The following CCDC102B variants were observed in gnomAD, a reference collection of about 807,000 sequenced individuals.
CCDC102B encodes the protein coiled-coil domain containing 102B, also known as coiled-coil domain-containing protein 102B.
CCDC102B carries 75 observed loss-of-function variants against 57.4 expected under a neutral mutation model. That is an observed-to-expected ratio of 1.31 (90% CI 1.08 to 1.58). The LOEUF is 1.58. Ranked by LOEUF, CCDC102B falls within the 40% of genes most tolerant of loss-of-function variation. The pLI is 0.00. For missense variants in CCDC102B, 636 were observed against 582.6 expected, an observed-to-expected ratio of 1.09 and a Z score of -0.94; for synonymous variants, 206 against 201.9, an observed-to-expected ratio of 1.02 and a Z score of -0.17.
intron 2 of CCDC102B, among the ~76,000 whole-genome samples, chr18:68,732,262 A>C (rs1599381459): frequency 6.6e-6 from 1 of 152,042 alleles, no homozygotes; most frequent in African/African-American, 2.4e-5. Context: ...TGGATACCAT[A>C]AACTGTTTGG....
upstream of CCDC102B, chr18:68,715,232 C>G (rs150531716): frequency 5.2e-6 from 7 of 1,351,974 alleles, no homozygotes; most frequent in East Asian, 1.6e-4. Context: ...CCTTTGCGCT[C>G]TCGGTGCCCC....
chr18:68,780,846 AGT>A (rs2034983992), intron 2 of CCDC102B, among the ~76,000 whole-genome samples: 1 of 152,108 alleles, frequency 6.6e-6, no homozygotes, highest in South Asian at 2.1e-4. Context: ...GTCATTATAC[AGT>A]CTGAGGAGAA....
intron 7 of CCDC102B, among the ~76,000 whole-genome samples, chr18:69,014,978 A>AGAGTGTGT (rs139377520): frequency 4.3e-5 from 6 of 139,332 alleles, no homozygotes; most frequent in African/African-American, 1.3e-4. Flanking sequence ...AGAGAGAGAG[A>AGAGTGTGT]GTGTGTGTGT....
chr18:68,870,490 G>C (rs752298334), intron 4 of CCDC102B, among the ~76,000 whole-genome samples: 1 of 152,120 alleles, frequency 6.6e-6, no homozygotes, highest in African/African-American at 2.4e-5. Flanking sequence ...CAAGATACAC[G>C]AGAGAAACAA....
chr18:68,945,137 C>A (rs1220345151), intron 6 of CCDC102B, among the ~76,000 whole-genome samples: 1 of 151,580 alleles, frequency 6.6e-6, no homozygotes, highest in Non-Finnish European at 1.5e-5. Flanking sequence ...CACACACACA[C>A]ACACACACAC....
chr18:68,753,759 G>C (rs182988608), intron 2 of CCDC102B: 1 of 151,740 alleles, frequency 6.6e-6, no homozygotes, highest in Non-Finnish European at 1.5e-5. Flanking sequence ...ATTGGGTCTT[G>C]CCTTGCTGCC....
intron 7 of CCDC102B, among the ~76,000 whole-genome samples, chr18:69,035,168 A>T (rs1346668730): frequency 1.3e-5 from 2 of 152,018 alleles, no homozygotes; most frequent in African/African-American, 4.8e-5. Context: ...TAGAAACACT[A>T]TTGTTTATAG....
chr18:68,942,251 T>A (rs1055929317), intron 6 of CCDC102B, among the ~76,000 whole-genome samples: 1 of 152,092 alleles, frequency 6.6e-6, no homozygotes, highest in African/African-American at 2.4e-5. Context: ...ATTAGAAAGT[T>A]GCTGATAGGA....
intron 1 of CCDC102B, among the ~76,000 whole-genome samples, chr18:68,803,773 T>TCA (rs1483969581): frequency 0.031 from 4,703 of 152,190 alleles, 229 homozygotes; most frequent in African/African-American, 0.11. Context: ...TAATATTATT[T>TCA]TACTTTTAAA....
chr18:68,824,857 T>C (rs2036842674), intron 1 of CCDC102B, among the ~76,000 whole-genome samples: 1 of 152,228 alleles, frequency 6.6e-6, no homozygotes, highest in African/African-American at 2.4e-5. Context: ...AAAAATTTCT[T>C]TGTCTATCTT....
At chr18:68,777,514 A>G (rs2144626882) in intron 2 of CCDC102B, among the ~76,000 whole-genome samples, 1 of 152,288 alleles carries the variant, frequency 6.6e-6, no homozygotes, top group South Asian at 2.1e-4. Context: ...GGGCCTAATA[A>G]TTCTTAGTTT....
chr18:68,729,234 TGC>T (rs2032750501), intron 2 of CCDC102B, among the ~76,000 whole-genome samples: 2 of 152,204 alleles, frequency 1.3e-5, no homozygotes, highest in East Asian at 3.8e-4. Flanking sequence ...GATAAAGCAC[TGC>T]AGTGGATAGA....
chr18:69,017,870 T>C (rs754321821), intron 7 of CCDC102B, among the ~76,000 whole-genome samples: 6 of 152,234 alleles, frequency 3.9e-5, no homozygotes, highest in African/African-American at 1.4e-4. Flanking sequence ...AGATTCTACA[T>C]ATGAACAGGA....
At chr18:69,019,905 G>T (rs1031135947) in intron 7 of CCDC102B, among the ~76,000 whole-genome samples, 1 of 151,996 alleles carries the variant, frequency 6.6e-6, no homozygotes, top group African/African-American at 2.4e-5. Context: ...ATTTTATTTA[G>T]ACTTATTATC....
chr18:68,927,983 G>A (rs529374966), intron 6 of CCDC102B, among the ~76,000 whole-genome samples: 3 of 151,968 alleles, frequency 2.0e-5, no homozygotes, highest in East Asian at 3.9e-4. Flanking sequence ...TACAGACACT[G>A]GGCAGTTAGA....
intron 6 of CCDC102B, among the ~76,000 whole-genome samples, chr18:68,908,780 A>C (rs773684971): frequency 2.6e-5 from 4 of 152,170 alleles, no homozygotes; most frequent in Non-Finnish European, 4.4e-5. Context: ...TAAGTGATAA[A>C]ATTTAGCATT....
intron 2 of CCDC102B, among the ~76,000 whole-genome samples, chr18:68,769,455 G>A (rs534053643): frequency 1.1e-4 from 16 of 151,874 alleles, no homozygotes; most frequent in African/African-American, 3.6e-4. Context: ...GAGTTTAAAG[G>A]GTACACAATT....
intron 7 of CCDC102B, among the ~76,000 whole-genome samples, chr18:69,017,372 G>A: frequency 6.6e-6 from 1 of 152,034 alleles, no homozygotes; most frequent in East Asian, 1.9e-4. Flanking sequence ...TGAGCCACCA[G>A]CCTCGAGCTT....
chr18:68,760,277 T>C (rs1414167641), intron 2 of CCDC102B, among the ~76,000 whole-genome samples: 1 of 152,036 alleles, frequency 6.6e-6, no homozygotes. Flanking sequence ...AAGGTTAGTA[T>C]ACAAAATTCA....
Sources: allele counts gnomAD v4.1 joint callset (sites outside exome capture counted in the v4.1 genomes callset), GRCh38; gene constraint gnomAD v4.1.1; transcripts MANE v1.5; gene names NCBI Gene and HGNC (gene_info 2026-07-23, HGNC 2026-07-21).